Variants in KCNIP4 observed in about 807,000 individuals in gnomAD.
KCNIP4 encodes the protein Kv channel-interacting protein 4.
In KCNIP4, 12 loss-of-function variants were observed where a neutral mutation model predicts 34.0. That is an observed-to-expected ratio of 0.35 (90% CI 0.23 to 0.57). The LOEUF (loss-of-function observed/expected upper bound fraction) is 0.57, where lower values mean the gene tolerates loss of function less well. Among genes scored for constraint, KCNIP4 ranks in the 20% least tolerant of loss-of-function variants. The pLI is 0.83. For missense variants in KCNIP4, 238 were observed against 311.7 expected, an observed-to-expected ratio of 0.76 and a Z score of 1.78; for synonymous variants, 124 against 102.2, an observed-to-expected ratio of 1.21 and a Z score of -1.29.
intron 1 of KCNIP4, among the ~76,000 whole-genome samples, chr4:21,483,500 A>G (rs1731628664): frequency 1.3e-5 from 2 of 152,194 alleles, no homozygotes; most frequent in Admixed American, 6.5e-5. Flanking sequence ...GTTGTTTAAA[A>G]GTGTGTGGGC....
chr4:20,763,817 C>T (rs946855114), intron 3 of KCNIP4, among the ~76,000 whole-genome samples: 3 of 152,116 alleles, frequency 2.0e-5, no homozygotes, highest in Non-Finnish European at 4.4e-5. Context: ...CTTGGCCTGC[C>T]AAAGTGCTGG....
intron 1 of KCNIP4, among the ~76,000 whole-genome samples, chr4:21,660,922 A>G (rs1193465420): frequency 1.3e-5 from 2 of 152,146 alleles, no homozygotes; most frequent in Non-Finnish European, 2.9e-5. Context: ...TCAAGCCTGG[A>G]AACTTGCAGC....
At chr4:21,059,589 T>A (rs1361616132) in intron 1 of KCNIP4, among the ~76,000 whole-genome samples, 1 of 152,034 alleles carries the variant, frequency 6.6e-6, no homozygotes, top group Non-Finnish European at 1.5e-5. Context: ...ATAACAGGAA[T>A]TAGGGCCTGA....
intron 3 of KCNIP4, among the ~76,000 whole-genome samples, chr4:20,768,093 G>A (rs1344148801): frequency 6.6e-6 from 1 of 152,214 alleles, no homozygotes. Context: ...CTGTGCTGCT[G>A]ATATCACCAG....
chr4:21,125,820 A>G (rs1170876872), intron 1 of KCNIP4, among the ~76,000 whole-genome samples: 2 of 152,096 alleles, frequency 1.3e-5, no homozygotes, highest in Admixed American at 1.3e-4. Flanking sequence ...ATCACTCACT[A>G]TATTTTTAGA....
intron 2 of KCNIP4, among the ~76,000 whole-genome samples, chr4:20,856,609 TA>T (rs1232462648): frequency 6.6e-6 from 1 of 152,190 alleles, no homozygotes; most frequent in Non-Finnish European, 1.5e-5. Context: ...CACTTAAGAA[TA>T]ATCTGGTAAA....
chr4:21,216,510 C>A (rs191723840), intron 1 of KCNIP4, among the ~76,000 whole-genome samples: 16 of 152,242 alleles, frequency 1.1e-4, no homozygotes, highest in African/African-American at 3.6e-4. Context: ...TTGTCCTAGG[C>A]CAGATTATTT....
At chr4:21,359,759 A>G (rs989696611) in intron 1 of KCNIP4, among the ~76,000 whole-genome samples, 2 of 152,104 alleles carry the variant, frequency 1.3e-5, no homozygotes, top group African/African-American at 4.8e-5. Context: ...AGTTGTAACC[A>G]CACAGTGAAA....
chr4:21,100,525 C>T (rs1747843485), intron 1 of KCNIP4, among the ~76,000 whole-genome samples: 1 of 152,036 alleles, frequency 6.6e-6, no homozygotes. Flanking sequence ...TGCATTTCAG[C>T]CTGGGTGACA....
chr4:21,007,528 C>T (rs1424704902), intron 1 of KCNIP4, among the ~76,000 whole-genome samples: 1 of 152,186 alleles, frequency 6.6e-6, no homozygotes, highest in East Asian at 1.9e-4. Flanking sequence ...ACCCATTAAA[C>T]CATCTTCTCT....
At chr4:21,502,037 A>C (rs28590371) in intron 1 of KCNIP4, among the ~76,000 whole-genome samples, 5,562 of 151,494 alleles carry the variant, frequency 0.037, 320 homozygotes, top group African/African-American at 0.12. Flanking sequence ...ACAATCACCC[A>C]ATGCAGGCAG....
intron 5 of KCNIP4, among the ~76,000 whole-genome samples, chr4:20,738,077 C>T (rs565520060): frequency 4.2e-4 from 63 of 151,392 alleles, no homozygotes; most frequent in African/African-American, 1.4e-3. Flanking sequence ...CTACAGTGAA[C>T]TATGATTGCA....
At position 21,914,430 on chromosome 4, in the gene KCNIP4, C is replaced by A. The variant is rs114312033; in HGVS notation, c.61+34141G>T. 3.0e-3 allele frequency among the ~76,000 whole-genome samples: 459 copies of A among 152,228 alleles called. 8 individuals carry two copies. Among genetic ancestry groups the A allele is most frequent in the African/African-American group, 0.01 (434 of 41,550 alleles). On this transcript the variant is annotated intron_variant, in intron 1 of 8. Transcript: ENST00000382152. ...TCTATATGCTCTGACCTCACCTATG[C>A]CAGTTCTTCCACACCCTGTGACATT...
intron 1 of KCNIP4, among the ~76,000 whole-genome samples, chr4:21,176,452 T>C (rs1032000719): frequency 3.9e-5 from 6 of 152,200 alleles, no homozygotes; most frequent in African/African-American, 1.4e-4. Flanking sequence ...TGGATGCTGC[T>C]ACAAGTAAAA....
At chr4:21,140,099 C>CT (rs1332336547) in intron 1 of KCNIP4, among the ~76,000 whole-genome samples, 1 of 152,082 alleles carries the variant, frequency 6.6e-6, no homozygotes, top group African/African-American at 2.4e-5. Flanking sequence ...ATTCAATGAG[C>CT]TTTTAAGAAA....
In KCNIP4 at chr4:21,176,095, T is replaced by C. The variant is rs1417266952; in HGVS notation, c.62-293386A>G. On this transcript the variant is annotated intron_variant, in intron 1 of 8. Transcript: ENST00000382152. ...TTCTTTTACACTGGCCCAAAGTCAC[T>C]GAATTAGACAAGGTAAAGCTAAGAT... 2.6e-5 allele frequency among the ~76,000 whole-genome samples: 4 copies of C among 152,362 alleles called. No individual in the cohort carries two copies. In the East Asian group the frequency reaches 5.8e-4, roughly 22 times the overall value.
At chr4:21,944,556 CAAAA>C (rs5856680) in intron 1 of KCNIP4, among the ~76,000 whole-genome samples, 12 of 104,450 alleles carry the variant, frequency 1.1e-4, no homozygotes, top group African/African-American at 4.1e-4. Flanking sequence ...GACTCCGTCT[CAAAA>C]AAAAAAAAAA....
chr4:21,096,199 C>T (rs1455769580), intron 1 of KCNIP4, among the ~76,000 whole-genome samples: 3 of 152,068 alleles, frequency 2.0e-5, no homozygotes, highest in Non-Finnish European at 2.9e-5. Context: ...ATTATTGTTC[C>T]ACTAGCCCCA....
rs549142880 is a variant in KCNIP4 at position 21,605,288 on chromosome 4, C to A, written c.61+343283G>T. ...TGGAAAAGGCTAACAAACACTATGG[C>A]ACAAAGGTAAATAAACTTTCCTTGG... is the stretch of plus-strand genomic sequence containing the variant. On this transcript the variant is annotated intron_variant, in intron 1 of 8. Coordinates refer to ENST00000382152, the MANE Select transcript of KCNIP4 (RefSeq NM_025221.6). Among the ~76,000 whole-genome samples the A allele has an allele frequency of 4.6e-5, 7 of 152,230 alleles. 1 individual carries two copies. The South Asian group carries it at 1.5e-3, about 32-fold the overall frequency.
Sources: allele counts gnomAD v4.1 joint callset (sites outside exome capture counted in the v4.1 genomes callset), GRCh38; gene constraint gnomAD v4.1.1; transcripts MANE v1.5; gene names NCBI Gene and HGNC (gene_info 2026-07-23, HGNC 2026-07-21).